Variants in CDC42EP4 observed in about 807,000 individuals in gnomAD.
CDC42EP4 encodes the protein CDC42 effector protein (Rho GTPase binding) 4.
A neutral mutation model predicts 5.6 loss-of-function variants in CDC42EP4; 6 were observed. The ratio of observed to expected loss-of-function variants is 1.07; its 90% CI spans 0.59 to 2.12. CDC42EP4 has a LOEUF of 2.12. Ranked by LOEUF, CDC42EP4 falls within the 30% of genes most tolerant of loss-of-function variation. The probability of loss-of-function intolerance (pLI) is 0.00; values close to 1 mark genes in which losing one functional copy is unlikely to be tolerated. For missense variants in CDC42EP4, 490 were observed against 508.6 expected, an observed-to-expected ratio of 0.96 and a Z score of 0.35; for synonymous variants, 230 against 224.2, an observed-to-expected ratio of 1.03 and a Z score of -0.23.
At chr17:73,306,405 T>G (rs917849660) in intron 1 of CDC42EP4, among the ~76,000 whole-genome samples, 1 of 150,524 alleles carries the variant, frequency 6.6e-6, no homozygotes, top group Non-Finnish European at 1.5e-5. Flanking sequence ...AAGGCTGAGG[T>G]GGGAGGATCT....
chr17:73,304,395 C>A (rs780452409), intron 1 of CDC42EP4, among the ~76,000 whole-genome samples: 3 of 151,924 alleles, frequency 2.0e-5, no homozygotes, highest in African/African-American at 4.8e-5. Context: ...CATCCTCCTA[C>A]CTCTGCTTCC....
chr17:73,285,804 C>T lies in CDC42EP4; in HGVS notation c.697G>A (p.Glu233Lys), dbSNP rs183994702. ...CCATGGTAACCACCCTCCCCCTCCT[C>T]GGGGTCCCACTCCTCCTTGTCCATG... ...SIMDKEEWDP[E>K]EGEGGYHGDE... The change falls in exon 2 of 2, where the codon GAG becomes AAG. Residue 233 changes from glutamate (E) to lysine (K), a missense_variant. Glu to Lys is a moderately conservative substitution (Grantham distance 56). Coordinates refer to ENST00000335793, the MANE Select transcript of CDC42EP4 (RefSeq NM_012121.5). This position sits in a 1 kb window ranked among gnomAD's most constrained non-coding sequence, Gnocchi z 6.8. 78 of 1,604,626 alleles carry T rather than the reference C, an allele frequency of 4.9e-5. No homozygotes were observed. The East Asian group carries it at 1.2e-3, about 25-fold the overall frequency.
At chr17:73,296,158 G>A (rs1265172836) in intron 1 of CDC42EP4, among the ~76,000 whole-genome samples, 1 of 151,094 alleles carries the variant, frequency 6.6e-6, no homozygotes. Flanking sequence ...GGCCGAGGCG[G>A]GTGGACCACG....
At chr17:73,309,413 C>G (rs1473447789) in intron 1 of CDC42EP4, among the ~76,000 whole-genome samples, 1 of 151,952 alleles carries the variant, frequency 6.6e-6, no homozygotes, top group African/African-American at 2.4e-5. Flanking sequence ...ATTCCTCTCC[C>G]AGGTCAACAC....
intron 1 of CDC42EP4, chr17:73,309,740 G>C (rs942716362): frequency 6.6e-6 from 1 of 152,434 alleles, no homozygotes; most frequent in Non-Finnish European, 1.5e-5. Flanking sequence ...TCAGAGGGGA[G>C]GCGCTGAGAC....
intron 1 of CDC42EP4, chr17:73,310,929 G>A (rs570529714): frequency 6.6e-6 from 1 of 152,234 alleles, no homozygotes; most frequent in East Asian, 1.9e-4. Flanking sequence ...GGACGCGCCG[G>A]GGGCAGGGGG....
chr17:73,285,691 G>C lies in CDC42EP4; in HGVS notation c.810C>G (p.Gly270=), dbSNP rs2062128518. ...GGGAGGGGAGGGAGGGCAAGTCTGGGCCAGCCTTGCCTTCCTGCCTTGCCA... is the reference window on the plus strand; with the variant it reads ...GGGAGGGGAGGGAGGGCAAGTCTGGCCCAGCCTTGCCTTCCTGCCTTGCCA... The part of the protein sequence containing the change: ...PPLARQEGKA[G]PDLPSLPSHA... The change falls in exon 2 of 2, where the codon GGC becomes GGG. Residue 270 remains glycine (G), a synonymous_variant. Coordinates refer to ENST00000335793, the MANE Select transcript of CDC42EP4 (RefSeq NM_012121.5). This position sits in a 1 kb window ranked among gnomAD's most constrained non-coding sequence, Gnocchi z 6.8. 2 of 1,570,742 alleles carry C rather than the reference G, an allele frequency of 1.3e-6. No individual in the cohort carries two copies. The highest frequency in any genetic ancestry group is 1.7e-6 in the Non-Finnish European group (2 of 1,153,604).
At chr17:73,288,143 C>G (rs2062143398) in intron 1 of CDC42EP4, among the ~76,000 whole-genome samples, 1 of 152,216 alleles carries the variant, frequency 6.6e-6, no homozygotes. Context: ...TAGCCACCAC[C>G]TGCCCCCCAC....
Position 73,285,850 on chromosome 17 carries a change from C to A in CDC42EP4, c.651G>T (p.Met217Ile). 6.2e-7 allele frequency: 1 copy of A among 1,613,976 alleles called. No homozygotes were observed. Among genetic ancestry groups the A allele is most frequent in the Non-Finnish European group, 8.5e-7 (1 of 1,179,922 alleles). ...MSFHIDLGPS[M>I]LGDVLSIMDK... Reference sequence around the variant, plus strand: ...CCATGATGCTGAGGACGTCACCCAGCATGGAGGGCCCCAGGTCGATGTGGA... The same window carrying A: ...CCATGATGCTGAGGACGTCACCCAGAATGGAGGGCCCCAGGTCGATGTGGA... The change falls in exon 2 of 2, where the codon ATG (methionine) becomes ATT (isoleucine). Residue 217 changes from methionine to isoleucine, a missense_variant. Physicochemically the swap from Met to Ile is conservative, Grantham distance 10 (BLOSUM62 1). Transcript: ENST00000335793. The surrounding 1 kb of genome is among the most constrained non-coding windows in gnomAD (Gnocchi z 6.8).
intron 1 of CDC42EP4, chr17:73,306,791 G>A (rs1038733920): frequency 6.6e-6 from 1 of 152,358 alleles, no homozygotes; most frequent in Non-Finnish European, 1.5e-5. Flanking sequence ...AGGTAGAGAG[G>A]AAGGACAGGC....
chr17:73,304,189 A>T (rs917522891), intron 1 of CDC42EP4, among the ~76,000 whole-genome samples: 6 of 152,176 alleles, frequency 3.9e-5, no homozygotes, highest in African/African-American at 9.7e-5. Flanking sequence ...AATACGAGAA[A>T]GAACTAAGAT....
intron 1 of CDC42EP4, among the ~76,000 whole-genome samples, chr17:73,300,346 G>A (rs77108619): frequency 0.032 from 4,897 of 152,140 alleles, 197 homozygotes; most frequent in East Asian, 0.086. Context: ...TATCCCTACC[G>A]GGTGTGGGTC....
intron 1 of CDC42EP4, among the ~76,000 whole-genome samples, chr17:73,292,685 G>A (rs1055846136): frequency 2.0e-5 from 3 of 152,232 alleles, no homozygotes; most frequent in African/African-American, 2.4e-5. Flanking sequence ...GGAACCAGCC[G>A]GGTCAGAAGC....
intron 1 of CDC42EP4, among the ~76,000 whole-genome samples, chr17:73,303,789 C>T (rs965779673): frequency 1.2e-4 from 19 of 152,156 alleles, no homozygotes; most frequent in African/African-American, 3.1e-4. Flanking sequence ...AGGGCTAGTC[C>T]CACTGATCAT....
intron 1 of CDC42EP4, among the ~76,000 whole-genome samples, chr17:73,287,936 C>T (rs931602973): frequency 2.0e-5 from 3 of 152,188 alleles, no homozygotes; most frequent in Non-Finnish European, 4.4e-5. Context: ...CAAAACCCAT[C>T]CACATGACGC....
intron 1 of CDC42EP4, among the ~76,000 whole-genome samples, chr17:73,298,145 C>T (rs2062198439): frequency 6.6e-6 from 1 of 152,156 alleles, no homozygotes; most frequent in Non-Finnish European, 1.5e-5. Context: ...GGTCTCCATC[C>T]GTACTCTGCC....
Position 73,284,737 on chromosome 17 carries a change from G to A in CDC42EP4, c.*693C>T, listed in dbSNP as rs2062120954. ...GGGACTGAGCGAGTGCCCTAGCCCTGTTCCTAGTGTCATCCTGGAAGGGTC... is the reference window on the plus strand; with the variant it reads ...GGGACTGAGCGAGTGCCCTAGCCCTATTCCTAGTGTCATCCTGGAAGGGTC... On this transcript the variant is annotated 3_prime_UTR_variant, in exon 2 of 2. Coordinates refer to ENST00000335793, the MANE Select transcript of CDC42EP4 (RefSeq NM_012121.5). The A allele has an allele frequency of 6.6e-6, 1 of 152,222 alleles. No homozygotes were observed. Among genetic ancestry groups the A allele is most frequent in the African/African-American group, 2.4e-5 (1 of 41,450 alleles). The allele number at this position is 152,222 out of a possible 1,614,324, so 9.4% of individuals were successfully genotyped here.
At chr17:73,293,273 G>A (rs2062169980) in intron 1 of CDC42EP4, among the ~76,000 whole-genome samples, 1 of 152,220 alleles carries the variant, frequency 6.6e-6, no homozygotes, top group South Asian at 2.1e-4. Context: ...GAATGAAGGA[G>A]GGGAGCTGGA....
At chr17:73,290,108 G>A (rs545025666) in intron 1 of CDC42EP4, among the ~76,000 whole-genome samples, 313 of 152,312 alleles carry the variant, frequency 2.1e-3, no homozygotes, top group African/African-American at 7.2e-3. Flanking sequence ...CTGGCTCTAC[G>A]CACAGCATCC....
Sources: gnomAD v4.1 joint callset for allele counts (sites outside exome capture counted in the v4.1 genomes callset) on GRCh38, gnomAD v4.1.1 for gene constraint, Gnocchi (gnomAD v3.1) non-coding constraint, MANE v1.5 for transcripts, NCBI Gene and HGNC (gene_info 2026-07-23, HGNC 2026-07-21) for gene names.